RUNX2: variants seen among roughly 807,000 people sequenced by gnomAD.
The protein encoded by RUNX2 is RUNX family transcription factor 2.
A neutral mutation model predicts 51.7 loss-of-function variants in RUNX2; 10 were observed. That is an observed-to-expected ratio of 0.19 (90% CI 0.12 to 0.33). RUNX2 has a LOEUF of 0.33. RUNX2 is among the 10% of genes least tolerant of loss of function. The pLI, the probability that RUNX2 is intolerant of heterozygous loss-of-function variation, is 1.00. For missense variants in RUNX2, 562 were observed against 691.3 expected, an observed-to-expected ratio of 0.81 and a Z score of 2.10; for synonymous variants, 276 against 273.6, an observed-to-expected ratio of 1.01 and a Z score of -0.09.
At position 45,483,302 on chromosome 6, in the gene RUNX2, G is replaced by GAT. The variant is rs566538170; in HGVS notation, c.686-8638_686-8637dup. On this transcript the variant is annotated intron_variant, in intron 5 of 8. Transcript: ENST00000647337. ...TGACGCAGCAGCCTTTCCCAGCAAA[G>GAT]ATTATAGACTCATCAATTTTACTGT... is the stretch of plus-strand genomic sequence containing the variant. 3.1e-3 allele frequency among the ~76,000 whole-genome samples: 476 copies of GAT among 151,720 alleles called. 2 individuals are homozygous for GAT. The highest frequency in any genetic ancestry group is 0.011 in the African/African-American group (441 of 41,414).
At chr6:45,485,899 C>T (rs992061892) in intron 5 of RUNX2, among the ~76,000 whole-genome samples, 26 of 151,566 alleles carry the variant, frequency 1.7e-4, no homozygotes, top group African/African-American at 5.8e-4. Flanking sequence ...CAATTGCTCC[C>T]CTGCACTTCC....
chr6:45,390,005 CAAA>C (rs5875920), intron 2 of RUNX2, among the ~76,000 whole-genome samples: 1 of 144,210 alleles, frequency 6.9e-6, no homozygotes, highest in Non-Finnish European at 1.5e-5. Context: ...GACTCTGTCT[CAAA>C]AAAAAAAAAA....
At chr6:45,447,084 C>T (rs1375963184) in intron 5 of RUNX2, among the ~76,000 whole-genome samples, 1 of 152,158 alleles carries the variant, frequency 6.6e-6, no homozygotes, top group Non-Finnish European at 1.5e-5. Context: ...GACTTAAATT[C>T]TTATTAAGAT....
chr6:45,370,227 G>A (rs1188822998), intron 2 of RUNX2, among the ~76,000 whole-genome samples: 1 of 152,178 alleles, frequency 6.6e-6, no homozygotes, highest in Non-Finnish European at 1.5e-5. Context: ...GAGATGATGA[G>A]AAGTGGTCAG....
chr6:45,347,276 A>C (rs1791081120), intron 2 of RUNX2, among the ~76,000 whole-genome samples: 2 of 152,184 alleles, frequency 1.3e-5, no homozygotes, highest in Admixed American at 1.3e-4. Flanking sequence ...ATTTCTTTAA[A>C]ATGAATTCGA....
intron 2 of RUNX2, among the ~76,000 whole-genome samples, chr6:45,332,717 CAT>C (rs953353847): frequency 1.3e-5 from 2 of 151,694 alleles, no homozygotes; most frequent in African/African-American, 2.4e-5. Flanking sequence ...TATATAAAAA[CAT>C]GTGACCAAAT....
chr6:45,402,527 A>C (rs768073930), intron 2 of RUNX2, among the ~76,000 whole-genome samples: 7 of 152,200 alleles, frequency 4.6e-5, no homozygotes. Flanking sequence ...AAAAGATAAT[A>C]ATCAGTTATA....
intron 7 of RUNX2, among the ~76,000 whole-genome samples, chr6:45,517,227 G>A (rs1323205772): frequency 6.6e-6 from 1 of 152,020 alleles, no homozygotes; most frequent in Non-Finnish European, 1.5e-5. Flanking sequence ...TATTGCTCAG[G>A]ATGGGATGCA....
chr6:45,400,211 G>T (rs1260260213), intron 2 of RUNX2, among the ~76,000 whole-genome samples: 1 of 149,692 alleles, frequency 6.7e-6, no homozygotes, highest in Non-Finnish European at 1.5e-5. Context: ...AGGAAGGAGG[G>T]AATGAGGGAA....
chr6:45,395,146 G>C (rs1322364219), intron 2 of RUNX2, among the ~76,000 whole-genome samples: 1 of 152,156 alleles, frequency 6.6e-6, no homozygotes, highest in Non-Finnish European at 1.5e-5. Flanking sequence ...TCCAGTGTTT[G>C]GGGCAGTGGT....
chr6:45,498,473 A>G (rs1256049428), intron 6 of RUNX2, among the ~76,000 whole-genome samples: 1 of 152,178 alleles, frequency 6.6e-6, no homozygotes, highest in Non-Finnish European at 1.5e-5. Context: ...TGTCCATTAT[A>G]CATTATTTAG....
At chr6:45,472,331 G>T (rs540598659) in intron 5 of RUNX2, among the ~76,000 whole-genome samples, 1 of 152,268 alleles carries the variant, frequency 6.6e-6, no homozygotes, top group African/African-American at 2.4e-5. Context: ...ATTTAAGTCT[G>T]GGTGTCAGGA....
intron 7 of RUNX2, among the ~76,000 whole-genome samples, chr6:45,537,887 C>G (rs893159505): frequency 6.6e-6 from 1 of 152,194 alleles, no homozygotes; most frequent in African/African-American, 2.4e-5. Context: ...CCCTGATCTG[C>G]TGGCATAACC....
In RUNX2 at chr6:45,518,250, G is replaced by A. The variant is rs1801392176; in HGVS notation, c.1021+5843G>A. Among the ~76,000 whole-genome samples the A allele has an allele frequency of 2.0e-5, 3 of 151,728 alleles. No homozygotes were observed. In the South Asian group the frequency reaches 6.2e-4, roughly 31 times the overall value. On this transcript the variant is annotated intron_variant, in intron 7 of 8. Coordinates refer to ENST00000647337, the MANE Select transcript of RUNX2 (RefSeq NM_001024630.4). Reference sequence around the variant, plus strand: ...TCTCCGTTTAAAGCCACAGAGTGGGGAAGTTATTAAATTTTATGGACCCTA... The same window carrying A: ...TCTCCGTTTAAAGCCACAGAGTGGGAAAGTTATTAAATTTTATGGACCCTA...
At chr6:45,499,506 G>A (rs1415544490) in intron 6 of RUNX2, among the ~76,000 whole-genome samples, 2 of 152,138 alleles carry the variant, frequency 1.3e-5, no homozygotes, top group Non-Finnish European at 1.5e-5. Flanking sequence ...TGGTCAACCC[G>A]TTATGTTGTT....
At chr6:45,351,294 C>T (rs960364381) in intron 2 of RUNX2, among the ~76,000 whole-genome samples, 22 of 152,180 alleles carry the variant, frequency 1.4e-4, no homozygotes, top group African/African-American at 5.3e-4. Flanking sequence ...CTACGCTATA[C>T]TAACCCATCA....
At chr6:45,394,978 G>A (rs1212643738) in intron 2 of RUNX2, among the ~76,000 whole-genome samples, 1 of 152,130 alleles carries the variant, frequency 6.6e-6, no homozygotes, top group Admixed American at 6.5e-5. Context: ...GGCAAGACTA[G>A]GGCCCCAGGA....
chr6:45,477,260 C>A (rs1314070140), intron 5 of RUNX2, among the ~76,000 whole-genome samples: 1 of 152,176 alleles, frequency 6.6e-6, no homozygotes, highest in African/African-American at 2.4e-5. Context: ...CCCTTTTAGA[C>A]ACTTTTCTCC....
At chr6:45,507,321 G>T (rs780209903) in intron 6 of RUNX2, among the ~76,000 whole-genome samples, 1 of 152,088 alleles carries the variant, frequency 6.6e-6, no homozygotes, top group Non-Finnish European at 1.5e-5. Context: ...GCTAGGCCTT[G>T]TATCTTTCCT....
Sources: allele counts gnomAD v4.1 joint callset (sites outside exome capture counted in the v4.1 genomes callset), GRCh38; gene constraint gnomAD v4.1.1; transcripts MANE v1.5; gene names NCBI Gene and HGNC (gene_info 2026-07-23, HGNC 2026-07-21).